The following DLG1 variants were observed in gnomAD, a reference collection of about 807,000 sequenced individuals.
DLG1 encodes the protein discs large MAGUK scaffold protein 1, also known as disks large homolog 1.
DLG1 carries 42 observed loss-of-function variants against 123.4 expected under a neutral mutation model. That is an observed-to-expected ratio of 0.34 (90% CI 0.27 to 0.44). The LOEUF (loss-of-function observed/expected upper bound fraction) is 0.44, where lower values mean the gene tolerates loss of function less well. Ranked by LOEUF, DLG1 falls within the 20% of genes least tolerant of loss-of-function variation. DLG1 has a pLI of 1.00. For synonymous variants in DLG1, 317 were observed against 356.2 expected (o/e 0.89, Z 1.24); for missense variants, 942 against 1,082.6 (o/e 0.87, Z 1.82).
intron 23 of DLG1, among the ~76,000 whole-genome samples, chr3:197,056,224 C>T (rs1187788950): frequency 2.0e-5 from 3 of 152,144 alleles, no homozygotes; most frequent in Admixed American, 1.3e-4. Context: ...GAGACAGATT[C>T]CCAGAGCTTC....
intron 21 of DLG1, 91 bp from the exon 22 acceptor site, chr3:197,065,539 A>G: frequency 8.4e-7 from 1 of 1,188,700 alleles, no homozygotes; most frequent in East Asian, 2.4e-5. Flanking sequence ...TGTAAAGTTC[A>G]ACAGAACAGA....
At chr3:197,268,076 C>T (rs1430416937) in intron 4 of DLG1, among the ~76,000 whole-genome samples, 1 of 152,066 alleles carries the variant, frequency 6.6e-6, no homozygotes, top group East Asian at 1.9e-4. Flanking sequence ...TTGCAATAAA[C>T]ATGTATCACT....
At position 197,140,395 on chromosome 3, in the gene DLG1, TAA is replaced by T. The variant is rs1787372892; in HGVS notation, c.589-133_589-132del. 4 of 827,948 alleles carry T rather than the reference TAA, an allele frequency of 4.8e-6. No homozygotes were observed. The East Asian group carries it at 1.1e-4, about 23-fold the overall frequency. The allele number at this position is 827,948 out of a possible 1,614,324, so 51.3% of individuals were successfully genotyped here. A position where few individuals can be genotyped will look rare whatever the true frequency, so the allele number is the denominator to read the frequency against. On this transcript the variant is annotated intron_variant, in intron 7 of 24. Coordinates refer to ENST00000667157, the MANE Select transcript of DLG1 (RefSeq NM_001366207.1). ...AATAAAGGTATATGGGTGAGTAATA[TAA>T]AGATTCTAAATTAAATGGACTTGTT...
intron 5 of DLG1, among the ~76,000 whole-genome samples, chr3:197,174,049 CT>C (rs1488468878): frequency 1.3e-5 from 2 of 152,158 alleles, no homozygotes; most frequent in African/African-American, 4.8e-5. Context: ...CGCCACTGCA[CT>C]CCAGCCTGGG....
At chr3:197,107,388 C>A (rs933094929) in intron 13 of DLG1, among the ~76,000 whole-genome samples, 8 of 151,790 alleles carry the variant, frequency 5.3e-5, no homozygotes, top group African/African-American at 1.7e-4. Flanking sequence ...ACTAAAAATA[C>A]AAAAAAATTA....
chr3:197,068,690 G>C (rs1298524064), intron 19 of DLG1, among the ~76,000 whole-genome samples: 1 of 152,060 alleles, frequency 6.6e-6, no homozygotes. Context: ...ATAAAACCAA[G>C]AATGTAATAT....
At chr3:197,294,905 A>G (rs1179110546) in intron 3 of DLG1, among the ~76,000 whole-genome samples, 1 of 151,956 alleles carries the variant, frequency 6.6e-6, no homozygotes, top group East Asian at 1.9e-4. Context: ...CTATCTATAC[A>G]TATATGTATA....
At chr3:197,127,592 A>C (rs1357888841) in intron 11 of DLG1, among the ~76,000 whole-genome samples, 1 of 149,342 alleles carries the variant, frequency 6.7e-6, no homozygotes, top group African/African-American at 2.5e-5. Context: ...TAGAACCTGA[A>C]AGTACAAAGA....
chr3:197,219,244 G>A (rs577279791), intron 4 of DLG1, among the ~76,000 whole-genome samples: 2 of 152,138 alleles, frequency 1.3e-5, no homozygotes, highest in Non-Finnish European at 2.9e-5. Flanking sequence ...TTCTTTGGTA[G>A]TAGCAAATAG....
intron 4 of DLG1, among the ~76,000 whole-genome samples, chr3:197,247,417 G>A (rs948847893): frequency 6.6e-6 from 1 of 152,034 alleles, no homozygotes; most frequent in African/African-American, 2.4e-5. Flanking sequence ...GGCTGTTCAG[G>A]GGTAGAGACC....
rs1292043086 is a variant in DLG1 at position 197,051,204 on chromosome 3, T to C, written c.2575+373A>G. Among the ~76,000 whole-genome samples, 12 of 152,128 alleles carry C rather than the reference T, an allele frequency of 7.9e-5. No homozygotes were observed. In the East Asian group the frequency reaches 2.1e-3, roughly 27 times the overall value. On this transcript the variant is annotated intron_variant, in intron 24 of 24. Coordinates refer to ENST00000667157, the MANE Select transcript of DLG1 (RefSeq NM_001366207.1). ...GCCTGACCAACACGGCGAAACCCCA[T>C]CTCTACTAAAAATACAAAATTAGCT...
chr3:197,100,168 T>C (rs1277716358), intron 14 of DLG1, among the ~76,000 whole-genome samples: 3 of 152,222 alleles, frequency 2.0e-5, no homozygotes, highest in Non-Finnish European at 4.4e-5. Flanking sequence ...TGATAAGAAA[T>C]GACAAATGTC....
intron 14 of DLG1, among the ~76,000 whole-genome samples, chr3:197,102,746 G>A (rs535081371): frequency 6.6e-6 from 1 of 152,150 alleles, no homozygotes; most frequent in Non-Finnish European, 1.5e-5. Context: ...GTGGTGGCAG[G>A]TGCCTGTAAT....
intron 5 of DLG1, among the ~76,000 whole-genome samples, chr3:197,168,564 C>T (rs1243276140): frequency 6.6e-6 from 1 of 152,154 alleles, no homozygotes; most frequent in Non-Finnish European, 1.5e-5. Context: ...TAGAAAATGT[C>T]AAACTTAAGA....
At chr3:197,151,540 G>A (rs375943970) in intron 5 of DLG1, among the ~76,000 whole-genome samples, 1 of 152,156 alleles carries the variant, frequency 6.6e-6, no homozygotes, top group Admixed American at 6.5e-5. Flanking sequence ...GAGGGGTTAT[G>A]AATCAAATAG....
intron 10 of DLG1, among the ~76,000 whole-genome samples, chr3:197,131,402 A>AGT (rs1553941058): frequency 1.3e-5 from 2 of 151,624 alleles, no homozygotes; most frequent in Non-Finnish European, 2.9e-5. Context: ...ACTCAAGTTG[A>AGT]TTTTTTTTCA....
At chr3:197,234,932 A>C (rs1337013017) in intron 4 of DLG1, among the ~76,000 whole-genome samples, 2 of 152,224 alleles carry the variant, frequency 1.3e-5, no homozygotes, top group African/African-American at 2.4e-5. Flanking sequence ...TAACCAGCTT[A>C]AATCTATTGT....
At position 197,101,763 on chromosome 3, in the gene DLG1, GTATTA is replaced by G. The variant is rs922899876; in HGVS notation, c.1546+3135_1546+3139del. 8.1e-4 allele frequency among the ~76,000 whole-genome samples: 123 copies of G among 151,828 alleles called. 1 individual carries two copies. The highest frequency in any genetic ancestry group is 2.8e-3 in the African/African-American group (117 of 41,406). Reference sequence around the variant, plus strand: ...GGATATGGAGTCCAAAACGAGTATAGTATTATATTTCCAGTTCCCATGTTCGATTA... The same window carrying G: ...GGATATGGAGTCCAAAACGAGTATAGTATTTCCAGTTCCCATGTTCGATTA... On this transcript the variant is annotated intron_variant, in intron 14 of 24. Transcript: ENST00000667157.
intron 4 of DLG1, among the ~76,000 whole-genome samples, chr3:197,203,994 C>T (rs192674411): frequency 7.9e-5 from 12 of 152,232 alleles, no homozygotes; most frequent in African/African-American, 2.2e-4. Flanking sequence ...CAGAAGGCCC[C>T]GGTGTAGGTG....
Sources: allele counts gnomAD v4.1 joint callset (sites outside exome capture counted in the v4.1 genomes callset), GRCh38; gene constraint gnomAD v4.1.1; transcripts MANE v1.5; gene names NCBI Gene and HGNC (gene_info 2026-07-23, HGNC 2026-07-21).